Variants in INTS8 observed in about 807,000 individuals in gnomAD.
The protein encoded by INTS8 is protein kaonashi-1.
INTS8 carries 47 observed loss-of-function variants against 138.9 expected under a neutral mutation model. That is an observed-to-expected ratio of 0.34 (90% CI 0.27 to 0.43). The LOEUF is 0.43. Among genes scored for constraint, INTS8 ranks in the 20% least tolerant of loss-of-function variants. INTS8 has a pLI of 1.00. For synonymous variants in INTS8, 392 were observed against 400.9 expected (o/e 0.98, Z 0.27); for missense variants, 996 against 1,173.0 (o/e 0.85, Z 2.20).
intron 9 of INTS8, among the ~76,000 whole-genome samples, chr8:94,841,834 G>A (rs574871444): frequency 5.3e-5 from 8 of 152,158 alleles, no homozygotes; most frequent in Admixed American, 2.6e-4. Context: ...TTGAGAGGCC[G>A]AGGTGGGTGG....
intron 2 of INTS8, among the ~76,000 whole-genome samples, chr8:94,826,115 A>G (rs1413241450): frequency 6.6e-6 from 1 of 152,208 alleles, no homozygotes; most frequent in Non-Finnish European, 1.5e-5. Flanking sequence ...TTTGAGTTGT[A>G]TTCTTAGGAT....
At chr8:94,848,467 CA>C (rs1815411203) in intron 10 of INTS8, among the ~76,000 whole-genome samples, 1 of 152,140 alleles carries the variant, frequency 6.6e-6, no homozygotes, top group African/African-American at 2.4e-5. Flanking sequence ...ATCTCTTATT[CA>C]TTACCTGTCA....
chr8:94,865,134 A>T (rs1816129207), intron 16 of INTS8, among the ~76,000 whole-genome samples: 1 of 151,936 alleles, frequency 6.6e-6, no homozygotes, highest in Admixed American at 6.6e-5. Flanking sequence ...ATCTTGGTGT[A>T]TGCCTTCCAT....
rs968364605 is a variant in INTS8 at position 94,842,583 on chromosome 8, C to G, written c.1260+95C>G. On this transcript the variant is annotated intron_variant, in intron 10 of 26. Transcript: ENST00000523731. ...CCAAATCCAGTTCCTTTTTTCCTGT[C>G]TGCCTTGCGTTTCTGTGCCTGACAA... is the stretch of plus-strand genomic sequence containing the variant. The G allele has an allele frequency of 4.9e-6, 5 of 1,023,126 alleles. No individual in the cohort carries two copies. In the Admixed American group the frequency reaches 1.0e-4, roughly 21 times the overall value. 63.4% of individuals were successfully genotyped at this position (1,023,126 alleles called of 1,614,324 possible). A position where few individuals can be genotyped will look rare whatever the true frequency, so the allele number is the denominator to read the frequency against.
At chr8:94,827,104 C>CA (rs1184684653) in intron 2 of INTS8, among the ~76,000 whole-genome samples, 159 bp from the exon 3 acceptor site, 2 of 150,284 alleles carry the variant, frequency 1.3e-5, no homozygotes, top group African/African-American at 2.4e-5. Context: ...GACTCTGTCT[C>CA]AAAAAAAAGA....
At chr8:94,834,360 T>TGG (rs961792092) in intron 6 of INTS8, among the ~76,000 whole-genome samples, 4 of 113,556 alleles carry the variant, frequency 3.5e-5, no homozygotes, top group African/African-American at 1.0e-4. Context: ...TATATGTGCA[T>TGG]GGGTGTGTGT....
At chr8:94,873,738 TA>T (rs1323994781) in intron 22 of INTS8, 7 of 307,372 alleles carry the variant, frequency 2.3e-5, no homozygotes, top group African/African-American at 1.5e-4. Context: ...AAACTCCTAA[TA>T]CACTCCTAAT....
At position 94,870,091 on chromosome 8, in the gene INTS8, A is replaced by G. The variant is rs112777719; in HGVS notation, c.2415-1793A>G. 7.6e-3 allele frequency among the ~76,000 whole-genome samples: 1,142 copies of G among 150,640 alleles called. 5 individuals carry two copies. The highest frequency in any genetic ancestry group is 0.026 in the African/African-American group (1,049 of 40,978). ...TTTTGAGATGGAGTCTTGCTATGTC[A>G]CCCAGGCTGGAGTGCAGTAGCGCGA... On this transcript the variant is annotated intron_variant, in intron 20 of 26. Transcript: ENST00000523731.
chr8:94,879,368 C>T (rs1205190869), intron 26 of INTS8, among the ~76,000 whole-genome samples: 2 of 151,972 alleles, frequency 1.3e-5, no homozygotes, highest in African/African-American at 2.4e-5. Context: ...GCTGAGGTGG[C>T]GGATCACCTG....
At chr8:94,836,488 A>C (rs1035500776) in intron 6 of INTS8, 36 bp from the exon 7 acceptor site, 3 of 1,529,162 alleles carry the variant, frequency 2.0e-6, no homozygotes, top group African/African-American at 1.4e-5. Flanking sequence ...GTACCTGAGA[A>C]ATTGTTAAGC....
intron 5 of INTS8, among the ~76,000 whole-genome samples, chr8:94,831,626 C>T (rs542233698): frequency 1.3e-5 from 2 of 152,052 alleles, no homozygotes; most frequent in Non-Finnish European, 2.9e-5. Flanking sequence ...GGATTACAGG[C>T]GTCTGCCCCC....
intron 5 of INTS8, among the ~76,000 whole-genome samples, chr8:94,829,263 C>G (rs1211677792): frequency 6.6e-6 from 1 of 151,762 alleles, no homozygotes; most frequent in African/African-American, 2.4e-5. Flanking sequence ...TTATCCAACT[C>G]ACCATAATTT....
In INTS8 at chr8:94,859,438, G is replaced by C. The variant is rs186645694; in HGVS notation, c.1955-73G>C. Reference sequence around the variant, plus strand: ...CTGTTTTTTTATTCAGTTGAAATCTGAGCAAGTATTTGCTTTGTTCCTATT... The same window carrying C: ...CTGTTTTTTTATTCAGTTGAAATCTCAGCAAGTATTTGCTTTGTTCCTATT... On this transcript the variant is annotated intron_variant, in intron 15 of 26. Coordinates refer to ENST00000523731, the MANE Select transcript of INTS8 (RefSeq NM_017864.4). 6.9e-3 allele frequency: 9,945 copies of C among 1,443,680 alleles called. 53 individuals are homozygous for C. The highest frequency in any genetic ancestry group is 8.9e-3 in the Non-Finnish European group (9,262 of 1,038,298). 89.4% of individuals were successfully genotyped at this position (1,443,680 alleles called of 1,614,324 possible). A position where few individuals can be genotyped will look rare whatever the true frequency, so the allele number is the denominator to read the frequency against.
chr8:94,864,098 CAAA>C (rs1227042546), intron 16 of INTS8, among the ~76,000 whole-genome samples: 1 of 151,486 alleles, frequency 6.6e-6, no homozygotes, highest in Non-Finnish European at 1.5e-5. Flanking sequence ...TATGGTTTAA[CAAA>C]AAAATTTATG....
Position 94,842,489 on chromosome 8 carries a change from G to T in INTS8, c.1260+1G>T. Reference sequence around the variant, plus strand: ...AGAGAAAATAGACTTTCTTCTTGAGGTATGACATGTTTTTCTTTCCCCTTT... The same window carrying T: ...AGAGAAAATAGACTTTCTTCTTGAGTTATGACATGTTTTTCTTTCCCCTTT... On this transcript the variant is annotated splice_donor_variant, in intron 10 of 26. Transcript: ENST00000523731. LOFTEE classifies it high-confidence loss of function. 2 of 1,593,194 alleles carry T rather than the reference G, an allele frequency of 1.3e-6. No homozygotes were observed. Among genetic ancestry groups the T allele is most frequent in the Non-Finnish European group, 1.7e-6 (2 of 1,169,312 alleles).
chr8:94,877,996 C>T (rs993475125), intron 26 of INTS8, among the ~76,000 whole-genome samples: 4 of 152,242 alleles, frequency 2.6e-5, no homozygotes, highest in South Asian at 2.1e-4. Context: ...TTAAGTTTCC[C>T]GGGTAGTCTG....
Position 94,881,080 on chromosome 8 carries a change from T to A in INTS8, c.*846T>A. 1 of 397,634 alleles carries A rather than the reference T, an allele frequency of 2.5e-6. No individual in the cohort carries two copies. The highest frequency in any genetic ancestry group is 4.4e-6 in the Non-Finnish European group (1 of 225,414). 24.6% of individuals were successfully genotyped at this position (397,634 alleles called of 1,614,324 possible). A position where few individuals can be genotyped will look rare whatever the true frequency, so the allele number is the denominator to read the frequency against. Reference sequence around the variant, plus strand: ...ATTAAATTTCACCATTTGTAGAAATTCAAGTTTTATAATAGCTTGCTATAG... The same window carrying A: ...ATTAAATTTCACCATTTGTAGAAATACAAGTTTTATAATAGCTTGCTATAG... On this transcript the variant is annotated 3_prime_UTR_variant, in exon 27 of 27. Coordinates refer to ENST00000523731, the MANE Select transcript of INTS8 (RefSeq NM_017864.4).
chr8:94,832,385 T>C (rs1056627772), intron 6 of INTS8, among the ~76,000 whole-genome samples: 13 of 152,334 alleles, frequency 8.5e-5, no homozygotes, highest in African/African-American at 3.1e-4. Flanking sequence ...GTCTCTGAAA[T>C]AGTTTCCGGA....
At chr8:94,856,750 C>G (rs372447293) in intron 14 of INTS8, 27 bp from the exon 15 acceptor site, 92 of 1,602,894 alleles carry the variant, frequency 5.7e-5, no homozygotes, top group Admixed American at 2.5e-4. Flanking sequence ...GGAAAGGTGA[C>G]CCAGGCTATT....
Sources: allele counts gnomAD v4.1 joint callset (sites outside exome capture counted in the v4.1 genomes callset), GRCh38; gene constraint gnomAD v4.1.1; transcripts MANE v1.5; gene names NCBI Gene and HGNC (gene_info 2026-07-23, HGNC 2026-07-21).